Variants in GXYLT2 observed in about 807,000 individuals in gnomAD.
The protein encoded by GXYLT2 is glucoside xylosyltransferase 2, also known as glycosyltransferase 8 domain containing 4.
Under a neutral mutation model 45.8 loss-of-function variants are expected in GXYLT2, and 53 were observed. The observed-to-expected ratio is 1.16, with a 90% confidence interval of 0.93 to 1.46. The LOEUF (loss-of-function observed/expected upper bound fraction) is 1.46, where lower values mean the gene tolerates loss of function less well. GXYLT2 is among the 40% of genes most tolerant of loss of function. The probability of loss-of-function intolerance (pLI) is 0.00; values close to 1 mark genes in which losing one functional copy is unlikely to be tolerated. For missense variants in GXYLT2, 551 were observed against 544.4 expected (o/e 1.01, Z -0.12); for synonymous variants, 219 against 214.2 (o/e 1.02, Z -0.19).
chr3:72,904,550 T>C (rs546129006), intron 1 of GXYLT2, among the ~76,000 whole-genome samples: 63 of 152,214 alleles, frequency 4.1e-4, no homozygotes, highest in African/African-American at 1.5e-3. Flanking sequence ...TAGCCCCTGC[T>C]TTTTGTACTG....
chr3:72,912,601 A>T (rs958875222), intron 2 of GXYLT2, among the ~76,000 whole-genome samples: 1 of 152,194 alleles, frequency 6.6e-6, no homozygotes, highest in African/African-American at 2.4e-5. Flanking sequence ...ATGTAATGCT[A>T]TGTGACAAAA....
intron 3 of GXYLT2, among the ~76,000 whole-genome samples, chr3:72,926,102 A>G (rs763458103): frequency 2.0e-5 from 3 of 152,242 alleles, no homozygotes; most frequent in Non-Finnish European, 4.4e-5. Context: ...TGGAGATCCT[A>G]AAGTGCAAAC....
intron 2 of GXYLT2, among the ~76,000 whole-genome samples, chr3:72,909,919 CTAATAA>C (rs1709586938): frequency 1.3e-5 from 2 of 151,694 alleles, no homozygotes; most frequent in African/African-American, 4.8e-5. Flanking sequence ...CAGAGAAAGG[CTAATAA>C]TAGAAAGATG....
chr3:72,907,591 A>G (rs1045967802), intron 1 of GXYLT2, among the ~76,000 whole-genome samples: 3 of 152,110 alleles, frequency 2.0e-5, no homozygotes, highest in African/African-American at 7.2e-5. Context: ...TTACTAGGAA[A>G]TAGCTGGATG....
Position 72,955,289 on chromosome 3 carries a change from A to G in GXYLT2, c.792A>G (p.Ala264=), listed in dbSNP as rs759889754. The G allele has an allele frequency of 9.6e-5, 155 of 1,613,896 alleles. No individual in the cohort carries two copies. Among genetic ancestry groups the G allele is most frequent in the Non-Finnish European group, 1.3e-4 (150 of 1,179,892 alleles). Residue 264 remains alanine (A), a synonymous_variant, in exon 4 of 7, where the codon GCA becomes GCG. Transcript: ENST00000389617. ...CTAGGCATCCTTTCTATGGCTCTGC[A>G]GGAGTTAATTCAGGAGTCATGTTAA... ...RFARHPFYGS[A]GVNSGVMLMN... is the part of the protein sequence containing the mutation.
chr3:72,947,361 G>A (rs1313577497), intron 3 of GXYLT2, among the ~76,000 whole-genome samples: 1 of 152,164 alleles, frequency 6.6e-6, no homozygotes, highest in Non-Finnish European at 1.5e-5. Context: ...AGTAATGAAA[G>A]GTGTAAGGCC....
intron 1 of GXYLT2, among the ~76,000 whole-genome samples, chr3:72,901,627 C>G (rs576427212): frequency 8.2e-4 from 100 of 121,698 alleles, no homozygotes; most frequent in African/African-American, 3.0e-3. Flanking sequence ...GTGGCATGAT[C>G]TCAGCTCACT....
chr3:72,905,117 T>C (rs1709487264), intron 1 of GXYLT2, among the ~76,000 whole-genome samples: 2 of 147,136 alleles, frequency 1.4e-5, no homozygotes, highest in South Asian at 4.4e-4. Flanking sequence ...AAATAACCAC[T>C]GTCCTGCATT....
intron 2 of GXYLT2, among the ~76,000 whole-genome samples, chr3:72,921,449 T>C (rs945413784): frequency 6.6e-6 from 1 of 152,180 alleles, no homozygotes; most frequent in Admixed American, 6.5e-5. Context: ...TTTAATTTTT[T>C]TGAGACACAG....
At chr3:72,902,118 T>C (rs949348446) in intron 1 of GXYLT2, among the ~76,000 whole-genome samples, 1 of 152,160 alleles carries the variant, frequency 6.6e-6, no homozygotes, top group Non-Finnish European at 1.5e-5. Flanking sequence ...TTTTTGGCTA[T>C]TGGGAATAAT....
chr3:72,947,173 AGAGGGGACTTAAATATTTGTTTCTATCT>A (rs1172835593), intron 3 of GXYLT2, among the ~76,000 whole-genome samples: 1 of 152,116 alleles, frequency 6.6e-6, no homozygotes, highest in African/African-American at 2.4e-5. Flanking sequence ...TCTTTCTGAC[AGAGGGGACTTAAATATTTGTTTCTATCT>A]AAGCAAAGAC....
At chr3:72,920,280 G>A (rs192934664) in intron 2 of GXYLT2, among the ~76,000 whole-genome samples, 5 of 152,116 alleles carry the variant, frequency 3.3e-5, no homozygotes, top group African/African-American at 7.2e-5. Flanking sequence ...GACTACAGGC[G>A]TGCCTCACCG....
chr3:72,938,291 T>C (rs1460319769), intron 3 of GXYLT2, among the ~76,000 whole-genome samples: 2 of 152,100 alleles, frequency 1.3e-5, no homozygotes. Context: ...TGGATGGTCT[T>C]ATAAAAAGGG....
intron 6 of GXYLT2, among the ~76,000 whole-genome samples, chr3:72,970,814 A>T (rs1291596653): frequency 1.3e-5 from 2 of 152,062 alleles, no homozygotes; most frequent in Admixed American, 1.3e-4. Context: ...GTGAGCCAAG[A>T]TCATGCCATT....
In GXYLT2 at chr3:72,916,934, A is replaced by G. The variant is rs539812568; in HGVS notation, c.469-5270A>G. Among the ~76,000 whole-genome samples, 5 of 152,134 alleles carry G rather than the reference A, an allele frequency of 3.3e-5. No homozygotes were observed. In the South Asian group the frequency reaches 1.0e-3, roughly 32 times the overall value. ...TCCTAAAAGTCTTCTGTTCTATAAC[A>G]TTTGTAGATGCTCAAAAATATTTTT... On this transcript the variant is annotated intron_variant, in intron 2 of 6. Coordinates refer to ENST00000389617, the MANE Select transcript of GXYLT2 (RefSeq NM_001080393.2).
intron 1 of GXYLT2, among the ~76,000 whole-genome samples, chr3:72,889,826 GTTAACAC>G (rs1200498151): frequency 6.6e-6 from 1 of 150,900 alleles, no homozygotes; most frequent in Non-Finnish European, 1.5e-5. Flanking sequence ...AATAGTCACA[GTTAACAC>G]TTAACATATA....
At chr3:72,944,903 G>T (rs1575805338) in intron 3 of GXYLT2, among the ~76,000 whole-genome samples, 1 of 152,112 alleles carries the variant, frequency 6.6e-6, no homozygotes, top group African/African-American at 2.4e-5. Flanking sequence ...CCTAGAGGGT[G>T]ACGTCCCAGA....
chr3:72,965,714 T>C (rs1235274010), intron 5 of GXYLT2, among the ~76,000 whole-genome samples: 1 of 152,100 alleles, frequency 6.6e-6, no homozygotes, highest in Non-Finnish European at 1.5e-5. Context: ...GAGCACCCAC[T>C]AGATGCCAGT....
chr3:72,966,726 G>T (rs1242542571), intron 5 of GXYLT2, among the ~76,000 whole-genome samples: 4 of 151,608 alleles, frequency 2.6e-5, no homozygotes, highest in African/African-American at 9.7e-5. Flanking sequence ...GCCACCTCCT[G>T]GCTATTCTCC....
Sources: allele counts gnomAD v4.1 joint callset (sites outside exome capture counted in the v4.1 genomes callset), GRCh38; gene constraint gnomAD v4.1.1; transcripts MANE v1.5; gene names NCBI Gene and HGNC (gene_info 2026-07-23, HGNC 2026-07-21).